Variants in RPS19 observed in about 807,000 individuals in gnomAD.
The protein encoded by RPS19 is ribosomal protein S19.
A neutral mutation model predicts 20.3 loss-of-function variants in RPS19; 1 was observed. The observed-to-expected ratio is 0.05, with a 90% CI of 0.02 to 0.23. RPS19 has a LOEUF of 0.23. Ranked by LOEUF, RPS19 falls within the 10% of genes least tolerant of loss-of-function variation. The pLI is 1.00. For missense variants in RPS19, 111 were observed against 192.7 expected (o/e 0.58, Z 2.51); for synonymous variants, 87 against 74.8 (o/e 1.16, Z -0.84).
chr19:41,864,960 A>T (rs527503465), intron 3 of RPS19: 16 of 152,216 alleles, frequency 1.1e-4, no homozygotes, highest in Admixed American at 9.8e-4. Flanking sequence ...TGTGAAGTTA[A>T]TAACCCTTCC....
chr19:41,866,083 C>G (rs1366948922), intron 3 of RPS19, among the ~76,000 whole-genome samples: 1 of 150,938 alleles, frequency 6.6e-6, no homozygotes, highest in Non-Finnish European at 1.5e-5. Flanking sequence ...GAAACCCCAT[C>G]TCTACTAAAA....
chr19:41,861,029 T>G, intron 2 of RPS19, 83 bp from the exon 3 acceptor site: 1 of 1,148,244 alleles, frequency 8.7e-7, no homozygotes, highest in Non-Finnish European at 1.3e-6. Flanking sequence ...CACAGCATAG[T>G]TGTGTTGAGG....
At position 41,865,805 on chromosome 19, in the gene RPS19, C is replaced by A. The variant is rs1021686605; in HGVS notation, c.173-3226C>A. Among the ~76,000 whole-genome samples, 23 of 148,600 alleles carry A rather than the reference C, an allele frequency of 1.5e-4. 1 individual carries two copies. Among genetic ancestry groups the A allele is most frequent in the African/African-American group, 5.7e-4 (23 of 40,168 alleles). On this transcript the variant is annotated intron_variant, in intron 3 of 5. Coordinates refer to ENST00000598742, the MANE Select transcript of RPS19 (RefSeq NM_001022.4). ...CTACTAAAAATACGAAAAAATTAGC[C>A]GGGCGTGGTGGCGGGCGCCTGTAGT... is the stretch of plus-strand genomic sequence containing the variant.
At chr19:41,870,845 CTTCCTTTTTTTTTT>C (rs2074139685) in intron 5 of RPS19, among the ~76,000 whole-genome samples, 1 of 112,856 alleles carries the variant, frequency 8.9e-6, no homozygotes, top group African/African-American at 3.3e-5. Flanking sequence ...CCGCCACTCC[CTTCCTTTTTTTTTT>C]TTTTTTTTTT....
intron 3 of RPS19, 66 bp downstream of exon 3, chr19:41,861,278 C>G: frequency 8.6e-7 from 1 of 1,160,172 alleles, no homozygotes; most frequent in Non-Finnish European, 1.3e-6. Flanking sequence ...AACCATACTT[C>G]CCTGTCTCCT....
At position 41,869,209 on chromosome 19, in the gene RPS19, A is replaced by T; in HGVS notation, c.351A>T (p.Gln117His). Reference protein sequence around the residue: ...LEGLKMVEKDQDGGRKLTPQG... With the variant: ...LEGLKMVEKDHDGGRKLTPQG... ...GGCTGAAAATGGTGGAAAAGGACCAAGATGGGTAAGCAGGGTAGAGGGGGC... is the reference window on the plus strand; with the variant it reads ...GGCTGAAAATGGTGGAAAAGGACCATGATGGGTAAGCAGGGTAGAGGGGGC... Residue 117 changes from glutamine to histidine, a missense_variant, in exon 4 of 6, where the codon CAA (glutamine) becomes CAT (histidine). Gln to His is a conservative substitution (Grantham distance 24). Transcript: ENST00000598742. The T allele has an allele frequency of 6.2e-7, 1 of 1,613,246 alleles. No homozygotes were observed. The highest frequency in any genetic ancestry group is 8.5e-7 in the Non-Finnish European group (1 of 1,179,694).
intron 3 of RPS19, 28 bp from the exon 4 acceptor site, chr19:41,869,003 T>C: frequency 6.2e-7 from 1 of 1,611,642 alleles, no homozygotes; most frequent in South Asian, 1.1e-5. Context: ...ATCAAGACCC[T>C]TAAATCTCCC....
chr19:41,869,272 T>G (rs2074121187), intron 4 of RPS19, 58 bp downstream of exon 4: 1 of 1,481,358 alleles, frequency 6.8e-7, no homozygotes, highest in East Asian at 2.3e-5. Flanking sequence ...GGTCATCAAT[T>G]CCCCAACGAA....
At chr19:41,860,705 G>A in intron 1 of RPS19, 70 bp from the exon 2 acceptor site, 1 of 1,116,024 alleles carries the variant, frequency 9.0e-7, no homozygotes, top group Non-Finnish European at 1.4e-6. Flanking sequence ...GAAAGGATTG[G>A]GGTGGGGTCC....
intron 3 of RPS19, among the ~76,000 whole-genome samples, chr19:41,866,247 C>T (rs1013064372): frequency 1.3e-5 from 2 of 151,302 alleles, no homozygotes; most frequent in African/African-American, 2.4e-5. Context: ...AGAAAGACTC[C>T]GTCTCAAAAA....
intron 3 of RPS19, 90 bp downstream of exon 3, chr19:41,861,302 C>A: frequency 1.1e-6 from 1 of 947,298 alleles, no homozygotes; most frequent in South Asian, 1.3e-5. Flanking sequence ...AGCTCTTTCC[C>A]GCCCCAAGAG....
chr19:41,860,495 G>T, intron 1 of RPS19: 2 of 493,314 alleles, frequency 4.1e-6, no homozygotes, highest in South Asian at 2.1e-5. Flanking sequence ...CAGCGGCGGG[G>T]TGCGTGGGGC....
chr19:41,861,629 G>T (rs782114567), intron 3 of RPS19: 35 of 308,582 alleles, frequency 1.1e-4, no homozygotes, highest in Non-Finnish European at 1.6e-4. Context: ...ACCAGTACTA[G>T]AGTATTGCAA....
chr19:41,865,238 G>A (rs566903211), intron 3 of RPS19, among the ~76,000 whole-genome samples: 6 of 152,092 alleles, frequency 3.9e-5, no homozygotes, highest in South Asian at 2.1e-4. Context: ...GGTAGCAGGC[G>A]CCTGTAGTCC....
chr19:41,860,870 A>G, intron 2 of RPS19, 25 bp downstream of exon 2: 1 of 1,597,480 alleles, frequency 6.3e-7, no homozygotes. Context: ...TGAGGTTCAA[A>G]ACGGGTGGAG....
At chr19:41,865,149 C>T (rs2074071755) in intron 3 of RPS19, among the ~76,000 whole-genome samples, 1 of 151,996 alleles carries the variant, frequency 6.6e-6, no homozygotes, top group African/African-American at 2.4e-5. Flanking sequence ...GGCGGATCAC[C>T]TGAGGTCAAG....
intron 3 of RPS19, among the ~76,000 whole-genome samples, chr19:41,862,472 C>A (rs896584132): frequency 2.0e-5 from 3 of 152,106 alleles, no homozygotes; most frequent in African/African-American, 7.3e-5. Flanking sequence ...CTGGAAGTTA[C>A]ATATCTCCTC....
At position 41,871,534 on chromosome 19, in the gene RPS19, A is replaced by C; in HGVS notation, c.*157A>C. 1 of 670,368 alleles carries C rather than the reference A, an allele frequency of 1.5e-6. No homozygotes were observed. The highest frequency in any genetic ancestry group is 2.7e-6 in the Non-Finnish European group (1 of 373,096). The allele number at this position is 670,368 out of a possible 1,614,324, so 41.5% of individuals were successfully genotyped here. A position where few individuals can be genotyped will look rare whatever the true frequency, so the allele number is the denominator to read the frequency against. On this transcript the variant is annotated 3_prime_UTR_variant, in exon 6 of 6. Transcript: ENST00000598742. The stretch of plus-strand genomic sequence containing the variant: ...TGGGTTCAAATGATTCTCCTGCCTC[A>C]GCCTCCCAAAGTGCTGGGATTACAA...
At chr19:41,869,362 A>G in intron 4 of RPS19, 148 bp downstream of exon 4, 2 of 783,928 alleles carry the variant, frequency 2.6e-6, no homozygotes, top group Admixed American at 2.7e-5. Context: ...AAAAGCAAAC[A>G]GCACGGGGCC....
Sources: allele counts gnomAD v4.1 joint callset (sites outside exome capture counted in the v4.1 genomes callset), GRCh38; gene constraint gnomAD v4.1.1; transcripts MANE v1.5; gene names NCBI Gene and HGNC (gene_info 2026-07-23, HGNC 2026-07-21).